Variants in CCSER1 observed in about 807,000 individuals in gnomAD.
The protein encoded by CCSER1 is serine-rich coiled-coil domain-containing protein 1.
In CCSER1, 41 loss-of-function variants were observed where a neutral mutation model predicts 82.0. The observed-to-expected ratio is 0.50, with a 90% CI of 0.39 to 0.65. The LOEUF (loss-of-function observed/expected upper bound fraction) is 0.65, where lower values mean the gene tolerates loss of function less well. Ranked by LOEUF, CCSER1 falls within the 30% of genes least tolerant of loss-of-function variation. The pLI is 0.00. For synonymous variants in CCSER1, 414 were observed against 383.9 expected (o/e 1.08, Z -0.92); for missense variants, 1,119 against 1,064.2 (o/e 1.05, Z -0.72).
chr4:90,655,179 A>C (rs1473081086), intron 6 of CCSER1, among the ~76,000 whole-genome samples: 1 of 152,004 alleles, frequency 6.6e-6, no homozygotes, highest in Non-Finnish European at 1.5e-5. Flanking sequence ...TGTCAAATCT[A>C]GCAGATTCAA....
chr4:90,642,877 A>G (rs1378339525), intron 6 of CCSER1, among the ~76,000 whole-genome samples: 1 of 141,890 alleles, frequency 7.0e-6, no homozygotes, highest in African/African-American at 2.7e-5. Context: ...ATACATACAT[A>G]CATGCATTAT....
chr4:90,861,248 G>C (rs963671342), intron 8 of CCSER1, among the ~76,000 whole-genome samples: 3 of 151,664 alleles, frequency 2.0e-5, no homozygotes, highest in Non-Finnish European at 4.4e-5. Flanking sequence ...AATGATATGA[G>C]AGTTACAAAA....
At chr4:90,489,693 C>T (rs1767662947) in intron 5 of CCSER1, among the ~76,000 whole-genome samples, 1 of 152,012 alleles carries the variant, frequency 6.6e-6, no homozygotes. Flanking sequence ...CATGACAGGC[C>T]CTAGTGTGTG....
chr4:90,138,740 A>G (rs1310488193), intron 1 of CCSER1, among the ~76,000 whole-genome samples: 1 of 152,042 alleles, frequency 6.6e-6, no homozygotes. Context: ...TCTAGGGTAC[A>G]TATGCACAAG....
chr4:91,357,229 G>T lies in CCSER1; in HGVS notation c.2218-241343G>T, dbSNP rs1436896787. Among the ~76,000 whole-genome samples, 3 of 152,052 alleles carry T rather than the reference G, an allele frequency of 2.0e-5. No homozygotes were observed. The East Asian group carries it at 5.8e-4, about 29-fold the overall frequency. On this transcript the variant is annotated intron_variant, in intron 10 of 10. Transcript: ENST00000509176. ...ATAATGCTTCTTGTGTGATTTTTAT[G>T]CCAGATAAGTTAAATTTTACCTTTA...
intron 3 of CCSER1, among the ~76,000 whole-genome samples, chr4:90,394,269 A>T (rs1430253653): frequency 6.6e-6 from 1 of 152,070 alleles, no homozygotes; most frequent in Non-Finnish European, 1.5e-5. Context: ...ATAGTTATCT[A>T]TAAGATATAT....
chr4:90,438,447 A>G (rs1018894209), intron 4 of CCSER1, among the ~76,000 whole-genome samples: 3 of 152,150 alleles, frequency 2.0e-5, no homozygotes, highest in Non-Finnish European at 2.9e-5. Context: ...TCTGTATACT[A>G]TAAGAGAACA....
intron 10 of CCSER1, among the ~76,000 whole-genome samples, chr4:91,171,488 C>CACAGA (rs1226883243): frequency 2.6e-5 from 4 of 152,176 alleles, no homozygotes; most frequent in African/African-American, 9.7e-5. Flanking sequence ...TATTAAAAGT[C>CACAGA]ACAGAAATGT....
chr4:90,334,843 C>T (rs1350781735), intron 3 of CCSER1, among the ~76,000 whole-genome samples: 2 of 152,022 alleles, frequency 1.3e-5, no homozygotes, highest in African/African-American at 2.4e-5. Flanking sequence ...TTATAAAATA[C>T]CACAATTTAT....
At chr4:90,940,338 CCTTTTATT>C (rs1307657737) in intron 9 of CCSER1, among the ~76,000 whole-genome samples, 3 of 151,700 alleles carry the variant, frequency 2.0e-5, no homozygotes, top group Non-Finnish European at 2.9e-5. Context: ...CCTCCTTTCT[CCTTTTATT>C]CTTTCCTTGT....
At chr4:90,365,308 A>C (rs551508484) in intron 3 of CCSER1, among the ~76,000 whole-genome samples, 32 of 151,878 alleles carry the variant, frequency 2.1e-4, no homozygotes, top group Non-Finnish European at 3.4e-4. Context: ...GGCTGTCCCA[A>C]TTCATGTTGA....
chr4:91,507,152 G>A lies in CCSER1; in HGVS notation c.2218-91420G>A, dbSNP rs1008255207. Among the ~76,000 whole-genome samples the A allele has an allele frequency of 2.0e-5, 3 of 152,214 alleles. No homozygotes were observed. In the South Asian group the frequency reaches 6.2e-4, roughly 32 times the overall value. ...CTTATGTCTTGGCTATATGACAGTA[G>A]AAATCCATGATCACATGGTAACTTT... On this transcript the variant is annotated intron_variant, in intron 10 of 10. Coordinates refer to ENST00000509176, the MANE Select transcript of CCSER1 (RefSeq NM_001145065.2).
intron 10 of CCSER1, among the ~76,000 whole-genome samples, chr4:91,575,028 G>T (rs1763377787): frequency 6.6e-6 from 1 of 151,994 alleles, no homozygotes; most frequent in Non-Finnish European, 1.5e-5. Flanking sequence ...ATAGGTCAAT[G>T]AAAGAGAATA....
At chr4:90,239,643 A>G (rs995802972) in intron 1 of CCSER1, among the ~76,000 whole-genome samples, 1 of 152,000 alleles carries the variant, frequency 6.6e-6, no homozygotes, top group African/African-American at 2.4e-5. Context: ...TCAGCTAATT[A>G]TTTTTAATTT....
At position 91,564,272 on chromosome 4, in the gene CCSER1, AT is replaced by A. The variant is rs528513043; in HGVS notation, c.2218-34293del. Among the ~76,000 whole-genome samples, 14 of 151,898 alleles carry A rather than the reference AT, an allele frequency of 9.2e-5. No individual in the cohort carries two copies. The East Asian group carries it at 2.5e-3, about 27-fold the overall frequency. The stretch of plus-strand genomic sequence containing the variant: ...GTATTCCATGGTGTATATAGGCCAC[AT>A]TTTTTTAATCCGATCTGTCATTGAT... On this transcript the variant is annotated intron_variant, in intron 10 of 10. Transcript: ENST00000509176.
intron 5 of CCSER1, among the ~76,000 whole-genome samples, chr4:90,612,157 AT>A (rs1280282170): frequency 2.0e-5 from 3 of 152,168 alleles, no homozygotes; most frequent in Non-Finnish European, 2.9e-5. Context: ...CAACAAAAAA[AT>A]AAACTATTTA....
intron 10 of CCSER1, among the ~76,000 whole-genome samples, chr4:91,302,586 T>C (rs1744751812): frequency 6.6e-6 from 1 of 151,982 alleles, no homozygotes; most frequent in East Asian, 1.9e-4. Context: ...TCTCTCTATT[T>C]GAAATTCTCC....
intron 1 of CCSER1, among the ~76,000 whole-genome samples, chr4:90,166,474 G>A (rs1247770784): frequency 2.6e-5 from 4 of 151,758 alleles, no homozygotes; most frequent in Non-Finnish European, 5.9e-5. Flanking sequence ...TTTGGAAATA[G>A]CACCCTCAAG....
intron 1 of CCSER1, among the ~76,000 whole-genome samples, chr4:90,207,909 G>A (rs1739203348): frequency 6.6e-6 from 1 of 152,170 alleles, no homozygotes; most frequent in South Asian, 2.1e-4. Context: ...GCCAGCCAGA[G>A]TGCTCCTGTG....
Sources: allele counts gnomAD v4.1 joint callset (sites outside exome capture counted in the v4.1 genomes callset), GRCh38; gene constraint gnomAD v4.1.1; transcripts MANE v1.5; gene names NCBI Gene and HGNC (gene_info 2026-07-23, HGNC 2026-07-21).